CCDC7: variants seen among roughly 807,000 people sequenced by gnomAD.
The protein encoded by CCDC7 is coiled-coil domain-containing protein 7.
A neutral mutation model predicts 196.9 loss-of-function variants in CCDC7; 183 were observed. The observed-to-expected ratio is 0.93, with a 90% CI of 0.82 to 1.05. CCDC7 has a LOEUF of 1.05. Among genes scored for constraint, CCDC7 ranks in the 50% least tolerant of loss-of-function variants. The pLI, the probability that CCDC7 is intolerant of heterozygous loss-of-function variation, is 0.00. For missense variants in CCDC7, 1,540 were observed against 1,482.2 expected (o/e 1.04, Z -0.64); for synonymous variants, 525 against 484.6 (o/e 1.08, Z -1.10).
intron 25 of CCDC7, among the ~76,000 whole-genome samples, chr10:32,720,928 C>CAA (rs765026494): frequency 2.0e-5 from 3 of 151,884 alleles, no homozygotes; most frequent in African/African-American, 7.3e-5. Flanking sequence ...CCTGTGTCTA[C>CAA]AAAAAAATGC....
intron 32 of CCDC7, among the ~76,000 whole-genome samples, chr10:32,825,727 T>G (rs2091016847): frequency 6.6e-6 from 1 of 152,080 alleles, no homozygotes. Context: ...CTTCTAATAG[T>G]GTGGAGAACA....
At chr10:32,776,183 A>T (rs990154782) in intron 28 of CCDC7, among the ~76,000 whole-genome samples, 10 of 149,562 alleles carry the variant, frequency 6.7e-5, no homozygotes, top group African/African-American at 2.0e-4. Flanking sequence ...CTAATGCTAG[A>T]TGACGAGTTA....
intron 15 of CCDC7, among the ~76,000 whole-genome samples, chr10:32,569,977 A>G (rs1292237576): frequency 6.6e-6 from 1 of 151,926 alleles, no homozygotes; most frequent in Non-Finnish European, 1.5e-5. Flanking sequence ...TTTTTATTCC[A>G]TATACTCTTT....
chr10:32,500,863 G>A (rs1010120946), intron 9 of CCDC7, among the ~76,000 whole-genome samples: 2 of 152,192 alleles, frequency 1.3e-5, no homozygotes, highest in African/African-American at 2.4e-5. Flanking sequence ...CGGCCAACAC[G>A]GCGAAACCCC....
chr10:32,633,754 A>T (rs111494377), intron 18 of CCDC7, among the ~76,000 whole-genome samples: 2 of 89,120 alleles, frequency 2.2e-5, no homozygotes, highest in Non-Finnish European at 5.3e-5. Flanking sequence ...GTGTGTGTGT[A>T]TATATATATG....
chr10:32,513,444 A>G (rs771827694), intron 9 of CCDC7: 3 of 152,230 alleles, frequency 2.0e-5, no homozygotes, highest in East Asian at 1.9e-4. Context: ...AGGCCTGTAC[A>G]AACTCTTCTA....
At chr10:32,803,190 G>T (rs1323049868) in intron 29 of CCDC7, among the ~76,000 whole-genome samples, 1 of 152,218 alleles carries the variant, frequency 6.6e-6, no homozygotes, top group East Asian at 1.9e-4. Context: ...TTAGCCAAAA[G>T]GCGAAGTGAT....
intron 11 of CCDC7, among the ~76,000 whole-genome samples, chr10:32,522,472 C>T (rs530479405): frequency 5.5e-4 from 84 of 152,058 alleles, no homozygotes; most frequent in African/African-American, 2.0e-3. Flanking sequence ...CTCATAGTAG[C>T]CACTAATGAT....
chr10:32,736,232 A>C (rs547485831), intron 28 of CCDC7, among the ~76,000 whole-genome samples: 11 of 152,136 alleles, frequency 7.2e-5, no homozygotes, highest in Admixed American at 7.2e-4. Flanking sequence ...TTGCGATTGC[A>C]TTGAACTGAG....
intron 39 of CCDC7, 133 bp downstream of exon 40, chr10:32,848,851 T>A: frequency 1.3e-6 from 1 of 747,932 alleles, no homozygotes; most frequent in Non-Finnish European, 2.2e-6. Flanking sequence ...CTTACAAGCG[T>A]AAAAATAAAA....
At chr10:32,697,229 G>C (rs1252853755) in intron 24 of CCDC7, among the ~76,000 whole-genome samples, 1 of 152,148 alleles carries the variant, frequency 6.6e-6, no homozygotes, top group Non-Finnish European at 1.5e-5. Flanking sequence ...GGCCGAATAG[G>C]AACAGCTCCA....
At chr10:32,563,949 T>G (rs1241421034) in intron 13 of CCDC7, among the ~76,000 whole-genome samples, 1 of 151,840 alleles carries the variant, frequency 6.6e-6, no homozygotes, top group Non-Finnish European at 1.5e-5. Context: ...CCAACAAATT[T>G]ACAAGAAAAA....
chr10:32,602,150 C>T (rs2061106395), intron 18 of CCDC7, among the ~76,000 whole-genome samples: 1 of 152,064 alleles, frequency 6.6e-6, no homozygotes, highest in Non-Finnish European at 1.5e-5. Flanking sequence ...GTCAGCGAGA[C>T]CACAAACCCA....
At chr10:32,861,682 G>T (rs561490483) in intron 41 of CCDC7, among the ~76,000 whole-genome samples, 12 of 151,766 alleles carry the variant, frequency 7.9e-5, no homozygotes, top group African/African-American at 2.7e-4. Context: ...CTGACAAAGG[G>T]CTAACATCCA....
chr10:32,522,058 G>A (rs76457831), intron 11 of CCDC7, among the ~76,000 whole-genome samples: 6 of 152,106 alleles, frequency 3.9e-5, no homozygotes, highest in South Asian at 4.1e-4. Context: ...TCCTTTTAAT[G>A]TATTGGTGAA....
At chr10:32,620,646 G>A (rs1461399934) in intron 18 of CCDC7, among the ~76,000 whole-genome samples, 1 of 152,074 alleles carries the variant, frequency 6.6e-6, no homozygotes, top group Non-Finnish European at 1.5e-5. Flanking sequence ...TGTTGATTTT[G>A]TATTTATATT....
intron 9 of CCDC7, among the ~76,000 whole-genome samples, chr10:32,494,981 C>A (rs1365486850): frequency 6.6e-6 from 1 of 152,188 alleles, no homozygotes; most frequent in Non-Finnish European, 1.5e-5. Flanking sequence ...CTGTCTTCCA[C>A]AATGGTTGAA....
Position 32,452,993 on chromosome 10 carries a change from C to T in CCDC7, c.280-351C>T, listed in dbSNP as rs1047884253. 2.6e-5 allele frequency among the ~76,000 whole-genome samples: 4 copies of T among 152,104 alleles called. No individual in the cohort carries two copies. In the East Asian group the frequency reaches 7.7e-4, roughly 29 times the overall value. On this transcript the variant is annotated intron_variant, in intron 1 of 41. Coordinates refer to ENST00000639629, the Ensembl canonical transcript of CCDC7. ...TTTCTGGTCTCCATCTTTCTATTTC[C>T]CCTAACTCTCTTCAGAGGAGAAAGT...
chr10:32,599,932 G>A (rs1427862418), intron 18 of CCDC7, among the ~76,000 whole-genome samples: 5 of 152,048 alleles, frequency 3.3e-5, no homozygotes. Flanking sequence ...ATGTTTTTGT[G>A]TGGTTTGTTG....
Sources: gnomAD v4.1 joint callset for allele counts (sites outside exome capture counted in the v4.1 genomes callset) on GRCh38, gnomAD v4.1.1 for gene constraint, MANE v1.5 for transcripts, NCBI Gene and HGNC (gene_info 2026-07-23, HGNC 2026-07-21) for gene names.